The following ADCY2 variants were observed in gnomAD, a reference collection of about 807,000 sequenced individuals.
ADCY2 encodes the protein adenylate cyclase 2.
Under a neutral mutation model 125.2 loss-of-function variants are expected in ADCY2, and 31 were observed. The observed-to-expected ratio is 0.25, with a 90% CI of 0.19 to 0.33. The LOEUF is 0.33. ADCY2 is among the 10% of genes least tolerant of loss of function. The pLI is 1.00. For missense variants in ADCY2, 904 were observed against 1,418.2 expected (o/e 0.64, Z 5.82); for synonymous variants, 512 against 548.4 (o/e 0.93, Z 0.93).
At chr5:7,659,206 A>G (rs1269860729) in intron 4 of ADCY2, among the ~76,000 whole-genome samples, 1 of 152,248 alleles carries the variant, frequency 6.6e-6, no homozygotes, top group Non-Finnish European at 1.5e-5. Context: ...CAGCATAGGT[A>G]TGGTTTTCCT....
At chr5:7,826,389 T>C (rs1188979781) in intron 24 of ADCY2, among the ~76,000 whole-genome samples, 1 of 152,202 alleles carries the variant, frequency 6.6e-6, no homozygotes, top group African/African-American at 2.4e-5. Context: ...GTTGAAATCA[T>C]AGCCTGGATC....
chr5:7,535,207 A>T (rs552067589), intron 3 of ADCY2, among the ~76,000 whole-genome samples: 2 of 152,126 alleles, frequency 1.3e-5, no homozygotes, highest in African/African-American at 4.8e-5. Context: ...CGCCCAGCTA[A>T]TTTTTTTGTA....
intron 3 of ADCY2, 74 bp downstream of exon 3, chr5:7,520,973 C>A: frequency 6.4e-7 from 1 of 1,565,284 alleles, no homozygotes; most frequent in Non-Finnish European, 8.7e-7. Context: ...GCTGCTGGCC[C>A]ATTCAGGGTG....
intron 2 of ADCY2, among the ~76,000 whole-genome samples, chr5:7,440,348 C>T (rs899035489): frequency 2.6e-5 from 4 of 152,196 alleles, no homozygotes; most frequent in East Asian, 1.9e-4. Flanking sequence ...AAATACACTG[C>T]GCGCACTCAG....
rs33995059 is a variant in ADCY2 at position 7,762,726 on chromosome 5, A to AT, written c.2095-3950dup. On this transcript the variant is annotated intron_variant, in intron 16 of 24. Coordinates refer to ENST00000338316, the MANE Select transcript of ADCY2 (RefSeq NM_020546.3). ...TACAGCTTTTCATGTTTTTCTCCGT[A>AT]TTTTTTTTTTTCTGAACACATTTTC... is the stretch of plus-strand genomic sequence containing the variant. Among the ~76,000 whole-genome samples the AT allele has an allele frequency of 1.4e-3, 215 of 149,046 alleles. 1 individual carries two copies. Among genetic ancestry groups the AT allele is most frequent in the African/African-American group, 4.3e-3 (175 of 40,670 alleles).
chr5:7,458,171 T>G (rs1417595504), intron 2 of ADCY2, among the ~76,000 whole-genome samples: 1 of 152,202 alleles, frequency 6.6e-6, no homozygotes, highest in East Asian at 1.9e-4. Context: ...CTGCTTACAT[T>G]ATGACAGCAT....
chr5:7,762,775 A>G (rs539129442), intron 16 of ADCY2, among the ~76,000 whole-genome samples: 1 of 151,880 alleles, frequency 6.6e-6, no homozygotes, highest in South Asian at 2.1e-4. Context: ...CCCCATCCCC[A>G]AGTAGTATTT....
At chr5:7,814,778 A>G (rs1021512105) in intron 22 of ADCY2, among the ~76,000 whole-genome samples, 1 of 152,138 alleles carries the variant, frequency 6.6e-6, no homozygotes, top group Non-Finnish European at 1.5e-5. Flanking sequence ...AAAGTGACCC[A>G]AGGTCAGCAG....
chr5:7,549,008 G>T (rs1406538806), intron 3 of ADCY2, among the ~76,000 whole-genome samples: 2 of 152,138 alleles, frequency 1.3e-5, no homozygotes, highest in African/African-American at 4.8e-5. Flanking sequence ...TGGAGGCGAG[G>T]ATAATGATAC....
chr5:7,821,432 A>G (rs1358153239), intron 24 of ADCY2, among the ~76,000 whole-genome samples: 1 of 152,240 alleles, frequency 6.6e-6, no homozygotes, highest in Non-Finnish European at 1.5e-5. Flanking sequence ...GCCCAGGTTG[A>G]CAGTGACAGA....
At chr5:7,591,745 C>T (rs1736854722) in intron 3 of ADCY2, among the ~76,000 whole-genome samples, 1 of 152,178 alleles carries the variant, frequency 6.6e-6, no homozygotes, top group African/African-American at 2.4e-5. Flanking sequence ...GCAATCCACG[C>T]ATAGAATCAA....
intron 3 of ADCY2, among the ~76,000 whole-genome samples, chr5:7,532,001 C>G (rs558743100): frequency 6.6e-6 from 1 of 152,312 alleles, no homozygotes; most frequent in Admixed American, 6.5e-5. Flanking sequence ...CCTTCTCTTG[C>G]CTGCTTAGGC....
intron 11 of ADCY2, 94 bp from the exon 12 acceptor site, chr5:7,717,063 T>A: frequency 8.0e-6 from 6 of 750,152 alleles, no homozygotes; most frequent in African/African-American, 1.8e-5. Context: ...CTGTATCTCA[T>A]AAGGATGTAA....
chr5:7,456,336 A>G (rs1245040323), intron 2 of ADCY2, among the ~76,000 whole-genome samples: 2 of 152,202 alleles, frequency 1.3e-5, no homozygotes, highest in African/African-American at 2.4e-5. Context: ...GATCTGTTGG[A>G]TGCACAGATT....
chr5:7,745,528 G>T (rs1352537826), intron 15 of ADCY2, among the ~76,000 whole-genome samples: 2 of 152,172 alleles, frequency 1.3e-5, no homozygotes, highest in African/African-American at 4.8e-5. Context: ...ACTCCGAAAG[G>T]CCCTGATGGA....
chr5:7,409,877 AT>A (rs1202423322), intron 1 of ADCY2, among the ~76,000 whole-genome samples: 2 of 152,192 alleles, frequency 1.3e-5, no homozygotes, highest in Non-Finnish European at 2.9e-5. Flanking sequence ...GATGTTTAAA[AT>A]TATTATAATT....
chr5:7,431,289 G>A (rs1327190180), intron 2 of ADCY2, among the ~76,000 whole-genome samples: 1 of 152,108 alleles, frequency 6.6e-6, no homozygotes. Flanking sequence ...CCAATTCAGT[G>A]GGAAAAGTAT....
intron 2 of ADCY2, among the ~76,000 whole-genome samples, chr5:7,471,482 G>A: frequency 6.6e-6 from 1 of 151,542 alleles, no homozygotes; most frequent in East Asian, 1.9e-4. Flanking sequence ...TGCATTTAAG[G>A]CACTTATAAC....
chr5:7,820,897 A>G (rs1469571128), intron 24 of ADCY2, among the ~76,000 whole-genome samples: 1 of 152,242 alleles, frequency 6.6e-6, no homozygotes, highest in African/African-American at 2.4e-5. Context: ...AACAATATAA[A>G]GGCTATTATA....
Sources: allele counts gnomAD v4.1 joint callset (sites outside exome capture counted in the v4.1 genomes callset), GRCh38; gene constraint gnomAD v4.1.1; transcripts MANE v1.5; gene names NCBI Gene and HGNC (gene_info 2026-07-23, HGNC 2026-07-21).